The following DEPTOR variants were observed in gnomAD, a reference collection of about 807,000 sequenced individuals.
The protein encoded by DEPTOR is DEP domain-containing mTOR-interacting protein.
Under a neutral mutation model 41.6 loss-of-function variants are expected in DEPTOR, and 41 were observed. The observed-to-expected ratio is 0.98, with a 90% CI of 0.77 to 1.28. The LOEUF (loss-of-function observed/expected upper bound fraction) is 1.28. Ranked by LOEUF, DEPTOR falls within the 50% of genes most tolerant of loss-of-function variation. The pLI, the probability that DEPTOR is intolerant of heterozygous loss-of-function variation, is 0.00. For synonymous variants in DEPTOR, 195 were observed against 192.3 expected, an observed-to-expected ratio of 1.01 and a Z score of -0.12; for missense variants, 514 against 527.9, an observed-to-expected ratio of 0.97 and a Z score of 0.26.
chr8:120,019,486 T>C (rs557414855), intron 8 of DEPTOR, among the ~76,000 whole-genome samples: 30 of 152,294 alleles, frequency 2.0e-4, no homozygotes, highest in Non-Finnish European at 3.7e-4. Context: ...GACGCGATCC[T>C]GTCACGAGAA....
chr8:119,893,188 A>G (rs758640738), intron 1 of DEPTOR, among the ~76,000 whole-genome samples: 6 of 152,232 alleles, frequency 3.9e-5, no homozygotes, highest in Admixed American at 1.3e-4. Context: ...TTATTAAGCC[A>G]TTTCATTTAT....
chr8:119,881,105 A>G (rs574259751), intron 1 of DEPTOR, among the ~76,000 whole-genome samples: 5 of 152,250 alleles, frequency 3.3e-5, no homozygotes, highest in Admixed American at 6.5e-5. Flanking sequence ...CCTTTTTTCT[A>G]TAACAGGCTG....
At chr8:120,013,021 C>T (rs886082406) in intron 8 of DEPTOR, among the ~76,000 whole-genome samples, 1 of 151,734 alleles carries the variant, frequency 6.6e-6, no homozygotes, top group Non-Finnish European at 1.5e-5. Flanking sequence ...GTCAAGCATG[C>T]TGGTGGGTGC....
At chr8:119,938,973 C>CTCTG (rs1458771316) in intron 3 of DEPTOR, among the ~76,000 whole-genome samples, 9 of 149,748 alleles carry the variant, frequency 6.0e-5, no homozygotes, top group South Asian at 2.2e-4. Flanking sequence ...CTCTCTCTCT[C>CTCTG]TGTGTTTCTC....
intron 3 of DEPTOR, among the ~76,000 whole-genome samples, chr8:119,936,702 G>A (rs942493561): frequency 1.3e-5 from 2 of 152,178 alleles, no homozygotes; most frequent in Admixed American, 6.5e-5. Context: ...TGACCAGCCT[G>A]GGCAGCATAG....
chr8:119,930,406 T>TATGTATTTG (rs1828026693), intron 3 of DEPTOR, among the ~76,000 whole-genome samples: 2 of 152,230 alleles, frequency 1.3e-5, no homozygotes, highest in Middle Eastern at 6.8e-3. Context: ...CTGGCTAATT[T>TATGTATTTG]ATGTATTTGT....
At chr8:119,939,831 G>A (rs1479052103) in intron 3 of DEPTOR, among the ~76,000 whole-genome samples, 1 of 152,068 alleles carries the variant, frequency 6.6e-6, no homozygotes, top group Non-Finnish European at 1.5e-5. Flanking sequence ...GTGAGTAAGT[G>A]GGGAAATTAG....
intron 4 of DEPTOR, among the ~76,000 whole-genome samples, chr8:119,968,002 G>A (rs1310276045): frequency 1.3e-5 from 2 of 152,114 alleles, no homozygotes; most frequent in African/African-American, 2.4e-5. Flanking sequence ...ACAGCTGTCT[G>A]TTGGTGGCCT....
rs571437526 is a variant in DEPTOR, at chr8:119,963,324, T to C, written c.426-1908T>C. On this transcript the variant is annotated intron_variant, in intron 3 of 8. Transcript: ENST00000286234. ...TTGATGTCCCCCTAGCCAAGGGCAG[T>C]GGTCAGTACCTTCTACTATTGGGTT... 4.0e-5 allele frequency among the ~76,000 whole-genome samples: 6 copies of C among 151,794 alleles called. No individual in the cohort carries two copies. The East Asian group carries it at 1.2e-3, about 29-fold the overall frequency.
intron 1 of DEPTOR, among the ~76,000 whole-genome samples, chr8:119,890,888 A>G (rs1294264020): frequency 6.6e-6 from 1 of 152,164 alleles, no homozygotes; most frequent in Non-Finnish European, 1.5e-5. Flanking sequence ...TCAAGAAGTA[A>G]GGCTTATTCT....
At chr8:120,019,131 C>T (rs1464116899) in intron 8 of DEPTOR, among the ~76,000 whole-genome samples, 2 of 151,962 alleles carry the variant, frequency 1.3e-5, no homozygotes, top group Non-Finnish European at 2.9e-5. Flanking sequence ...ATGGCGAAAC[C>T]CCGTCTCTAC....
chr8:119,973,047 C>A (rs113613046), intron 4 of DEPTOR, among the ~76,000 whole-genome samples: 4 of 151,952 alleles, frequency 2.6e-5, no homozygotes, highest in African/African-American at 9.6e-5. Context: ...TCAAGCAATT[C>A]TCCTGCCTCA....
chr8:119,896,781 A>G lies in DEPTOR; in HGVS notation c.122+22813A>G, dbSNP rs146817194. 2.8e-3 allele frequency among the ~76,000 whole-genome samples: 424 copies of G among 152,254 alleles called. 3 individuals are homozygous for G. The highest frequency in any genetic ancestry group is 8.7e-3 in the African/African-American group (363 of 41,532). The stretch of plus-strand genomic sequence containing the variant: ...GCAAAGTGCTAGGATTACAGGCGTG[A>G]ACCACCGTGCCCAGCCTTGACTAAT... On this transcript the variant is annotated intron_variant, in intron 1 of 8. Coordinates refer to ENST00000286234, the MANE Select transcript of DEPTOR (RefSeq NM_022783.4).
At chr8:119,899,165 CATTTTGTCATATATTTATCA>C (rs1056661526) in intron 1 of DEPTOR, among the ~76,000 whole-genome samples, 5 of 152,098 alleles carry the variant, frequency 3.3e-5, no homozygotes, top group Admixed American at 6.6e-5. Flanking sequence ...GTGATTTATT[CATTTTGTCATATATTTATCA>C]GCTGCTTGTT....
intron 4 of DEPTOR, among the ~76,000 whole-genome samples, chr8:120,000,219 T>C (rs28885745): frequency 0.84 from 126,978 of 152,006 alleles, 53,245 homozygotes; most frequent in African/African-American, 0.9. Flanking sequence ...CAGAGTTTTG[T>C]AATCATCACA....
chr8:120,020,830 A>G (rs1381334151), intron 8 of DEPTOR, among the ~76,000 whole-genome samples: 1 of 151,988 alleles, frequency 6.6e-6, no homozygotes, highest in African/African-American at 2.4e-5. Flanking sequence ...AGGCCGAGGC[A>G]GGTGGATTAC....
intron 1 of DEPTOR, among the ~76,000 whole-genome samples, chr8:119,915,123 C>A (rs900069471): frequency 6.6e-6 from 1 of 152,026 alleles, no homozygotes; most frequent in African/African-American, 2.4e-5. Flanking sequence ...TGTGCCACCA[C>A]GCCCAGCTAA....
At chr8:119,989,024 C>T (rs1163088914) in intron 4 of DEPTOR, among the ~76,000 whole-genome samples, 5 of 129,858 alleles carry the variant, frequency 3.9e-5, no homozygotes, top group Middle Eastern at 4.8e-3. Flanking sequence ...TAGTCTCAAA[C>T]TCCTGAGCTC....
intron 1 of DEPTOR, among the ~76,000 whole-genome samples, chr8:119,879,640 G>A (rs1381729454): frequency 6.6e-6 from 1 of 152,078 alleles, no homozygotes; most frequent in Non-Finnish European, 1.5e-5. Context: ...GAACCCAGGA[G>A]GCAGAGGTTG....
Sources: allele counts gnomAD v4.1 joint callset (sites outside exome capture counted in the v4.1 genomes callset), GRCh38; gene constraint gnomAD v4.1.1; transcripts MANE v1.5; gene names NCBI Gene and HGNC (gene_info 2026-07-23, HGNC 2026-07-21).